The following WDPCP variants were observed in gnomAD, a reference collection of about 807,000 sequenced individuals.
WDPCP encodes WD repeat-containing and planar cell polarity effector protein fritz homolog.
In WDPCP, 71 loss-of-function variants were observed where a neutral mutation model predicts 93.1. That is an observed-to-expected ratio of 0.76 (90% confidence interval 0.63 to 0.93). The LOEUF (loss-of-function observed/expected upper bound fraction) is 0.93, where lower values mean the gene tolerates loss of function less well. Among genes scored for constraint, WDPCP ranks in the 40% least tolerant of loss-of-function variants. WDPCP has a pLI of 0.00. For missense variants in WDPCP, 844 were observed against 887.4 expected, an observed-to-expected ratio of 0.95 and a Z score of 0.62; for synonymous variants, 315 against 315.0, an observed-to-expected ratio of 1.00 and a Z score of 0.00.
chr2:63,501,475 A>G (rs370060921), intron 1 of WDPCP, among the ~76,000 whole-genome samples: 13 of 152,232 alleles, frequency 8.5e-5, no homozygotes, highest in African/African-American at 3.1e-4. Context: ...CTGACAGAGG[A>G]GGATGGCTCA....
At chr2:63,332,700 T>C (rs184868640) in intron 12 of WDPCP, among the ~76,000 whole-genome samples, 1 of 152,306 alleles carries the variant, frequency 6.6e-6, no homozygotes, top group East Asian at 1.9e-4. Context: ...CCATTTTCAT[T>C]TTCTTAATGG....
intron 2 of WDPCP, among the ~76,000 whole-genome samples, chr2:63,708,558 T>A (rs1470608359): frequency 6.6e-6 from 1 of 152,132 alleles, no homozygotes; most frequent in Non-Finnish European, 1.5e-5. Context: ...GGGAATTCCC[T>A]CACCCCTTGC....
chr2:63,338,568 AAATATATATATATATATAT>A (rs1224136018), intron 12 of WDPCP, among the ~76,000 whole-genome samples: 98 of 7,654 alleles, frequency 0.013, 4 homozygotes, highest in Admixed American at 0.04. Flanking sequence ...AAAAAAAAAA[AAATATATATATATATATAT>A]ATATATATAT....
intron 17 of WDPCP, among the ~76,000 whole-genome samples, chr2:63,147,891 C>G (rs1384490935): frequency 6.6e-6 from 1 of 150,396 alleles, no homozygotes; most frequent in Non-Finnish European, 1.5e-5. Context: ...AGTGCTTGAA[C>G]CCGGAGGCAG....
chr2:63,730,711 G>A (rs952062795), intron 2 of WDPCP, among the ~76,000 whole-genome samples: 2 of 152,030 alleles, frequency 1.3e-5, no homozygotes, highest in Non-Finnish European at 2.9e-5. Flanking sequence ...TTCAATTCAA[G>A]AGCAAGAAAA....
chr2:63,833,974 T>C, the WDPCP span, among the ~76,000 whole-genome samples: 3 of 149,890 alleles, frequency 2.0e-5, no homozygotes, highest in East Asian at 1.9e-4. Flanking sequence ...TATGCCAACA[T>C]ACACACACAC....
At chr2:63,811,251 C>G (rs1340771003) in intron 2 of WDPCP, among the ~76,000 whole-genome samples, 1 of 152,214 alleles carries the variant, frequency 6.6e-6, no homozygotes, top group Non-Finnish European at 1.5e-5. Context: ...TGAGTGTGGG[C>G]AGGACCTTTA....
chr2:63,196,052 CTT>C (rs1675408729), intron 14 of WDPCP, among the ~76,000 whole-genome samples: 1 of 152,130 alleles, frequency 6.6e-6, no homozygotes, highest in Admixed American at 6.5e-5. Context: ...CAGTTTGTCT[CTT>C]AAGTAAATTG....
At chr2:63,155,973 G>A (rs1672217054) in intron 15 of WDPCP, among the ~76,000 whole-genome samples, 1 of 151,970 alleles carries the variant, frequency 6.6e-6, no homozygotes, top group South Asian at 2.1e-4. Flanking sequence ...TTACTATATT[G>A]AGTCCAAACC....
chr2:63,669,365 TTTA>T (rs1211853763), intron 2 of WDPCP, among the ~76,000 whole-genome samples: 2 of 66,106 alleles, frequency 3.0e-5, no homozygotes, highest in Non-Finnish European at 3.0e-5. Flanking sequence ...TTTATTTTAT[TTTA>T]TTTTTTTTTG....
At chr2:63,323,506 A>T (rs1687284126) in intron 12 of WDPCP, among the ~76,000 whole-genome samples, 1 of 152,142 alleles carries the variant, frequency 6.6e-6, no homozygotes, top group East Asian at 1.9e-4. Context: ...GAGCCTCAGA[A>T]ATTGTATCCT....
At chr2:63,678,475 G>A (rs980902295) in intron 2 of WDPCP, among the ~76,000 whole-genome samples, 4 of 152,198 alleles carry the variant, frequency 2.6e-5, no homozygotes, top group East Asian at 1.9e-4. Flanking sequence ...AGACAAAAGG[G>A]AATGGGGCAG....
Position 63,250,516 on chromosome 2 carries a change from A to G in WDPCP, c.1915+8791T>C, listed in dbSNP as rs1010242472. ...TTACCTCAATTGAATGATTATTACT[A>G]TTTTAATGGCTAGTACCATCATGCT... On this transcript the variant is annotated intron_variant, in intron 14 of 17. Coordinates refer to ENST00000272321, the MANE Select transcript of WDPCP (RefSeq NM_015910.7). Among the ~76,000 whole-genome samples, 10 of 152,334 alleles carry G rather than the reference A, an allele frequency of 6.6e-5. No homozygotes were observed. In the East Asian group the frequency reaches 7.7e-4, roughly 12 times the overall value.
chr2:63,674,738 T>C (rs1387072861), intron 2 of WDPCP, among the ~76,000 whole-genome samples: 2 of 151,958 alleles, frequency 1.3e-5, no homozygotes, highest in African/African-American at 2.4e-5. Context: ...AAGCATTCAA[T>C]GGTTTAAAAT....
intron 2 of WDPCP, among the ~76,000 whole-genome samples, chr2:63,711,862 C>T (rs1669269155): frequency 6.6e-6 from 1 of 152,196 alleles, no homozygotes; most frequent in South Asian, 2.1e-4. Context: ...GGAGCTGAAA[C>T]ACATTCCTGA....
At chr2:63,738,304 T>C (rs1196931291) in intron 2 of WDPCP, among the ~76,000 whole-genome samples, 1 of 152,068 alleles carries the variant, frequency 6.6e-6, no homozygotes, top group Admixed American at 6.6e-5. Flanking sequence ...TCCACTTTAT[T>C]TCACTTGTAA....
chr2:63,561,487 T>TAA lies in WDPCP; in HGVS notation c.75+26708_75+26709dup, dbSNP rs35144678. On this transcript the variant is annotated intron_variant, in intron 1 of 17. Coordinates refer to ENST00000272321, the MANE Select transcript of WDPCP (RefSeq NM_015910.7). ...GCCAGACTCCATCTCAAATAATAATTAAAAAAAAAAAAGCAGTTGCAACAA... is the reference window on the plus strand; with the variant it reads ...GCCAGACTCCATCTCAAATAATAATTAAAAAAAAAAAAAAGCAGTTGCAACAA... 7.1e-4 allele frequency among the ~76,000 whole-genome samples: 99 copies of TAA among 139,168 alleles called. 1 individual carries two copies. The highest frequency in any genetic ancestry group is 5.4e-3 in the East Asian group (26 of 4,784). The allele number at this position is 139,168 out of a possible 152,430, so 91.3% of individuals were successfully genotyped here.
At chr2:63,391,305 A>G (rs543364048) in intron 10 of WDPCP, among the ~76,000 whole-genome samples, 3 of 152,310 alleles carry the variant, frequency 2.0e-5, no homozygotes, top group African/African-American at 7.2e-5. Flanking sequence ...TGATTATCTC[A>G]ATAGATGCAG....
intron 17 of WDPCP, among the ~76,000 whole-genome samples, chr2:63,130,625 G>A (rs1670229418): frequency 1.3e-5 from 2 of 151,490 alleles, no homozygotes; most frequent in African/African-American, 2.4e-5. Context: ...TTAAGGATGA[G>A]TATTTTTTTT....
Sources: allele counts gnomAD v4.1 joint callset (sites outside exome capture counted in the v4.1 genomes callset), GRCh38; gene constraint gnomAD v4.1.1; transcripts MANE v1.5; gene names NCBI Gene and HGNC (gene_info 2026-07-23, HGNC 2026-07-21).